KIF5C: variants seen among roughly 807,000 people sequenced by gnomAD.
The protein encoded by KIF5C is kinesin heavy chain isoform 5C.
Under a neutral mutation model 125.2 loss-of-function variants are expected in KIF5C, and 18 were observed. That is an observed-to-expected ratio of 0.14 (90% CI 0.10 to 0.21). KIF5C has a LOEUF of 0.21. KIF5C is among the 10% of genes least tolerant of loss of function. KIF5C has a pLI of 1.00. For missense variants in KIF5C, 780 were observed against 1,183.8 expected (o/e 0.66, Z 5.01); for synonymous variants, 405 against 434.0 (o/e 0.93, Z 0.83).
rs745690527 is a variant in KIF5C, at chr2:148,942,808, A to G, written c.589+48A>G. 3.2e-6 allele frequency: 5 copies of G among 1,577,642 alleles called. No individual in the cohort carries two copies. The South Asian group carries it at 5.8e-5, about 18-fold the overall frequency. ...CTCCCCTGCAGCTTGGGAGACAGATATCTGCCCACCAACCGAGGGGGGTGG... is the reference window on the plus strand; with the variant it reads ...CTCCCCTGCAGCTTGGGAGACAGATGTCTGCCCACCAACCGAGGGGGGTGG... On this transcript the variant is annotated intron_variant, in intron 7 of 25. Transcript: ENST00000435030.
At position 148,927,508 on chromosome 2, in the gene KIF5C, G is replaced by GTA. The variant is rs1054871554; in HGVS notation, c.218-1772_218-1771insAT. Among the ~76,000 whole-genome samples the GTA allele has an allele frequency of 1.2e-4, 18 of 152,128 alleles. 1 individual carries two copies. The highest frequency in any genetic ancestry group is 3.4e-4 in the African/African-American group (14 of 41,428). The stretch of plus-strand genomic sequence containing the variant: ...AGGGTGTGTGTGTGTGTGTGTGTGT[G>GTA]TGTATAGGGGGGATGGTTAATTTCT... On this transcript the variant is annotated intron_variant, in intron 2 of 25. Coordinates refer to ENST00000435030, the MANE Select transcript of KIF5C (RefSeq NM_004522.3).
chr2:149,020,233 T>C (rs1205028117), intron 25 of KIF5C: 1 of 152,214 alleles, frequency 6.6e-6, no homozygotes, highest in African/African-American at 2.4e-5. Flanking sequence ...GGAATCCATG[T>C]TTCTTGGGCC....
At chr2:148,895,133 C>T (rs1681805199) in intron 1 of KIF5C, among the ~76,000 whole-genome samples, 1 of 152,008 alleles carries the variant, frequency 6.6e-6, no homozygotes, top group Admixed American at 6.6e-5. Flanking sequence ...CACTCTGAAG[C>T]AAGCACTCCC....
intron 2 of KIF5C, among the ~76,000 whole-genome samples, 164 bp downstream of exon 2, chr2:148,922,391 G>T (rs1428135791): frequency 6.6e-6 from 1 of 152,150 alleles, no homozygotes; most frequent in Non-Finnish European, 1.5e-5. Flanking sequence ...TTGCTATGAT[G>T]TCAGGCAAAT....
At chr2:148,933,855 C>G (rs1682229658) in intron 3 of KIF5C, among the ~76,000 whole-genome samples, 1 of 150,794 alleles carries the variant, frequency 6.6e-6, no homozygotes, top group East Asian at 2.0e-4. Flanking sequence ...ACAGACACAC[C>G]ACACACCATA....
chr2:148,938,653 G>T (rs1682342431), intron 4 of KIF5C, among the ~76,000 whole-genome samples: 1 of 152,144 alleles, frequency 6.6e-6, no homozygotes, highest in Admixed American at 6.5e-5. Context: ...CTGTCTGGGG[G>T]CCCCCACTGT....
intron 12 of KIF5C, among the ~76,000 whole-genome samples, chr2:148,975,316 A>C (rs897856511): frequency 1.1e-4 from 16 of 152,162 alleles, no homozygotes; most frequent in African/African-American, 3.4e-4. Context: ...TCTAGGAGGC[A>C]CTTCCATGTT....
chr2:148,938,645 G>C (rs138775301), intron 4 of KIF5C, among the ~76,000 whole-genome samples: 362 of 152,264 alleles, frequency 2.4e-3, no homozygotes, highest in Non-Finnish European at 4.1e-3. Flanking sequence ...TGCACATGCT[G>C]TCTGGGGGCC....
intron 3 of KIF5C, among the ~76,000 whole-genome samples, chr2:148,930,902 C>T (rs972940261): frequency 2.6e-5 from 4 of 152,284 alleles, no homozygotes; most frequent in South Asian, 4.1e-4. Context: ...GCTATCCTCA[C>T]GCTCCTGTCC....
At chr2:148,910,300 C>G (rs190019483) in intron 1 of KIF5C, among the ~76,000 whole-genome samples, 23 of 152,238 alleles carry the variant, frequency 1.5e-4, no homozygotes, top group African/African-American at 5.1e-4. Context: ...TCACAACTAC[C>G]ATGTGAAGCC....
chr2:148,982,409 A>T (rs533296985), intron 14 of KIF5C, among the ~76,000 whole-genome samples: 29 of 152,318 alleles, frequency 1.9e-4, no homozygotes, highest in Admixed American at 1.8e-3. Context: ...ACCTCTGCCC[A>T]ATGGCCTGGT....
intron 15 of KIF5C, among the ~76,000 whole-genome samples, 183 bp downstream of exon 15, chr2:148,983,949 G>T (rs1681306637): frequency 6.6e-6 from 1 of 152,212 alleles, no homozygotes; most frequent in Admixed American, 6.5e-5. Context: ...TTGGGGTGAG[G>T]AGGAGGAGAA....
intron 12 of KIF5C, among the ~76,000 whole-genome samples, chr2:148,977,750 G>A (rs1558928574): frequency 6.6e-6 from 1 of 152,180 alleles, no homozygotes; most frequent in East Asian, 1.9e-4. Context: ...GCTGATTTTA[G>A]AATTTTCTTT....
At chr2:148,912,777 T>G (rs1681391787) in intron 1 of KIF5C, among the ~76,000 whole-genome samples, 1 of 152,178 alleles carries the variant, frequency 6.6e-6, no homozygotes. Context: ...CTTCAAGTAC[T>G]TCATCTGCCA....
chr2:148,887,728 A>G (rs1681581924), intron 1 of KIF5C, among the ~76,000 whole-genome samples: 1 of 151,306 alleles, frequency 6.6e-6, no homozygotes, highest in Non-Finnish European at 1.5e-5. Context: ...GAGGGGGTAC[A>G]TGTGCAGGTT....
At chr2:148,905,883 A>G (rs1040712467) in intron 1 of KIF5C, among the ~76,000 whole-genome samples, 13 of 152,202 alleles carry the variant, frequency 8.5e-5, no homozygotes, top group Admixed American at 2.0e-4. Flanking sequence ...TGGCAGGCCA[A>G]AAAAGAGAGC....
chr2:149,009,194 G>T (rs574099847), intron 23 of KIF5C, among the ~76,000 whole-genome samples: 2 of 152,038 alleles, frequency 1.3e-5, no homozygotes, highest in South Asian at 4.2e-4. Flanking sequence ...GTTTCACCAT[G>T]TTGGTCAGGC....
At chr2:148,972,116 C>A (rs1680932367) in intron 11 of KIF5C, among the ~76,000 whole-genome samples, 1 of 152,014 alleles carries the variant, frequency 6.6e-6, no homozygotes, top group Non-Finnish European at 1.5e-5. Context: ...TGTACAAATA[C>A]TAAGTTTTGT....
chr2:148,974,906 G>A (rs1681021306), intron 12 of KIF5C, among the ~76,000 whole-genome samples: 1 of 152,190 alleles, frequency 6.6e-6, no homozygotes, highest in African/African-American at 2.4e-5. Context: ...GGCAGCACAG[G>A]GAACTTTCAT....
Sources: gnomAD v4.1 joint callset for allele counts (sites outside exome capture counted in the v4.1 genomes callset) on GRCh38, gnomAD v4.1.1 for gene constraint, MANE v1.5 for transcripts, NCBI Gene and HGNC (gene_info 2026-07-23, HGNC 2026-07-21) for gene names.